The following FMN1 variants were observed in gnomAD, a reference collection of about 807,000 sequenced individuals.
FMN1 encodes the protein formin-1.
A neutral mutation model predicts 132.4 loss-of-function variants in FMN1; 110 were observed. The ratio of observed to expected loss-of-function variants is 0.83; its 90% confidence interval spans 0.71 to 0.97. The LOEUF (loss-of-function observed/expected upper bound fraction) is 0.97, where lower values mean the gene tolerates loss of function less well. Among genes scored for constraint, FMN1 ranks in the 50% least tolerant of loss-of-function variants. The probability of loss-of-function intolerance (pLI) is 0.00; values close to 1 mark genes in which losing one functional copy is unlikely to be tolerated. For missense variants in FMN1, 1,792 were observed against 1,705.3 expected, an observed-to-expected ratio of 1.05 and a Z score of -0.90; for synonymous variants, 722 against 651.7, an observed-to-expected ratio of 1.11 and a Z score of -1.64.
intron 4 of FMN1, among the ~76,000 whole-genome samples, chr15:33,124,207 A>G (rs553349581): frequency 7.0e-4 from 106 of 152,346 alleles, no homozygotes; most frequent in Non-Finnish European, 1.3e-3. Context: ...TTTCAAAAGA[A>G]AAGTGAGGTG....
intron 4 of FMN1, among the ~76,000 whole-genome samples, chr15:33,109,371 A>C (rs1482985225): frequency 3.3e-5 from 5 of 152,078 alleles, no homozygotes; most frequent in Non-Finnish European, 7.4e-5. Context: ...CATTAGTAAT[A>C]GCTAAAAGAA....
intron 9 of FMN1, among the ~76,000 whole-genome samples, chr15:32,953,856 G>C (rs1234230139): frequency 6.6e-6 from 1 of 152,164 alleles, no homozygotes; most frequent in African/African-American, 2.4e-5. Flanking sequence ...TTTGAGTCTG[G>C]TTTGCAGTAT....
intron 6 of FMN1, among the ~76,000 whole-genome samples, chr15:33,052,216 C>T (rs1212188053): frequency 6.6e-6 from 1 of 152,110 alleles, no homozygotes; most frequent in Non-Finnish European, 1.5e-5. Context: ...GGTGTCTTAG[C>T]CTTGAGATTC....
At chr15:32,914,882 C>T (rs1458559100) in intron 10 of FMN1, among the ~76,000 whole-genome samples, 2 of 152,104 alleles carry the variant, frequency 1.3e-5, no homozygotes, top group Non-Finnish European at 2.9e-5. Context: ...GATCTGTCCC[C>T]CAGGGACTGG....
At chr15:33,127,279 C>G (rs1963181290) in intron 4 of FMN1, among the ~76,000 whole-genome samples, 1 of 152,166 alleles carries the variant, frequency 6.6e-6, no homozygotes, top group African/African-American at 2.4e-5. Context: ...TTCTTCACAA[C>G]AAGAATCCGT....
chr15:33,185,761 A>G (rs1376112633), intron 2 of FMN1, among the ~76,000 whole-genome samples: 1 of 151,670 alleles, frequency 6.6e-6, no homozygotes, highest in Non-Finnish European at 1.5e-5. Flanking sequence ...TAGTAGAGAC[A>G]GGGTTTCACC....
At chr15:33,036,005 C>T (rs918783855) in intron 6 of FMN1, among the ~76,000 whole-genome samples, 2 of 152,174 alleles carry the variant, frequency 1.3e-5, no homozygotes, top group African/African-American at 2.4e-5. Flanking sequence ...CTTCACCATA[C>T]CCCACACCAC....
chr15:32,782,977 A>G (rs1242451291), intron 19 of FMN1, among the ~76,000 whole-genome samples: 1 of 127,816 alleles, frequency 7.8e-6, no homozygotes, highest in African/African-American at 3.0e-5. Flanking sequence ...ATAGAGGGAA[A>G]TAACAGACGC....
intron 4 of FMN1, among the ~76,000 whole-genome samples, chr15:33,105,297 C>T (rs576405891): frequency 6.6e-6 from 1 of 152,070 alleles, no homozygotes; most frequent in South Asian, 2.1e-4. Flanking sequence ...TGAGATCCTC[C>T]TGTCAAGAAA....
intron 6 of FMN1, among the ~76,000 whole-genome samples, chr15:33,053,203 T>A (rs1281148908): frequency 1.3e-5 from 2 of 152,194 alleles, no homozygotes; most frequent in African/African-American, 4.8e-5. Context: ...AACTGCTGAC[T>A]GGGCTGCTAA....
chr15:33,176,511 A>G (rs1236903998), intron 3 of FMN1, among the ~76,000 whole-genome samples: 1 of 149,482 alleles, frequency 6.7e-6, no homozygotes, highest in African/African-American at 2.5e-5. Context: ...GTCTCCAAAA[A>G]AAAAAAAAAA....
At chr15:32,920,306 G>A (rs910591576) in intron 10 of FMN1, among the ~76,000 whole-genome samples, 45 of 152,134 alleles carry the variant, frequency 3.0e-4, no homozygotes, top group Admixed American at 3.9e-4. Context: ...CTAGCAGATG[G>A]AAAACCAGCA....
At chr15:32,985,969 A>T (rs2033042798) in intron 7 of FMN1, among the ~76,000 whole-genome samples, 1 of 152,164 alleles carries the variant, frequency 6.6e-6, no homozygotes, top group South Asian at 2.1e-4. Flanking sequence ...GTCCATGTGC[A>T]TCCAAATGTT....
intron 7 of FMN1, among the ~76,000 whole-genome samples, chr15:32,995,488 TGA>T (rs978786675): frequency 8.5e-5 from 13 of 152,336 alleles, no homozygotes; most frequent in Non-Finnish European, 1.5e-4. Flanking sequence ...GTAAATCCTC[TGA>T]GTACGGAACC....
chr15:32,876,727 T>C (rs192485024), intron 16 of FMN1, among the ~76,000 whole-genome samples: 1 of 152,358 alleles, frequency 6.6e-6, no homozygotes, highest in East Asian at 1.9e-4. Context: ...CAAGAGTCTT[T>C]ACTGAACTTT....
intron 17 of FMN1, chr15:32,837,209 C>A: frequency 4.3e-6 from 1 of 232,714 alleles, no homozygotes. Context: ...AGCTGCTTCT[C>A]AGCCTTGTAT....
intron 18 of FMN1, among the ~76,000 whole-genome samples, chr15:32,803,281 G>A (rs1214865058): frequency 1.3e-5 from 2 of 152,112 alleles, no homozygotes; most frequent in Non-Finnish European, 2.9e-5. Flanking sequence ...ATTCGTACCA[G>A]CAAAATGTAT....
chr15:33,100,170 T>G (rs1230399200), intron 4 of FMN1, among the ~76,000 whole-genome samples: 1 of 151,586 alleles, frequency 6.6e-6, no homozygotes, highest in Non-Finnish European at 1.5e-5. Flanking sequence ...AAATGAATCT[T>G]TTTGGTAGAA....
chr15:32,956,591 C>A (rs1216639537), intron 9 of FMN1, among the ~76,000 whole-genome samples: 1 of 151,968 alleles, frequency 6.6e-6, no homozygotes, highest in Non-Finnish European at 1.5e-5. Flanking sequence ...TAGTTTAGGC[C>A]CCCAGGTCAT....
Sources: gnomAD v4.1 joint callset for allele counts (sites outside exome capture counted in the v4.1 genomes callset) on GRCh38, gnomAD v4.1.1 for gene constraint, MANE v1.5 for transcripts, NCBI Gene and HGNC (gene_info 2026-07-23, HGNC 2026-07-21) for gene names.